The following AKT2 variants were observed in gnomAD, a reference collection of about 807,000 sequenced individuals.
AKT2 encodes the protein AKT serine/threonine kinase 2, also known as RAC-beta serine/threonine-protein kinase.
AKT2 carries 16 observed loss-of-function variants against 58.6 expected under a neutral mutation model. The observed-to-expected ratio is 0.27, with a 90% CI of 0.18 to 0.41. The LOEUF is 0.41. Among genes scored for constraint, AKT2 ranks in the 10% least tolerant of loss-of-function variants. AKT2 has a pLI of 1.00. For synonymous variants in AKT2, 253 were observed against 254.0 expected, an observed-to-expected ratio of 1.00 and a Z score of 0.04; for missense variants, 438 against 661.0, an observed-to-expected ratio of 0.66 and a Z score of 3.70.
chr19:40,285,343 G>T lies in AKT2; in HGVS notation c.-247C>A, dbSNP rs1008082496. ...CCGAGGCAGGCCCAACGGCTAGCAC[G>T]GCGCGGCCCCCCCCGCCCCCTCCCC... On this transcript the variant is annotated 5_prime_UTR_variant, in exon 1 of 14. Transcript: ENST00000392038. 3.1e-5 allele frequency: 12 copies of T among 390,412 alleles called. No homozygotes were observed. The highest frequency in any genetic ancestry group is 5.0e-5 in the Non-Finnish European group (11 of 220,956). 24.2% of individuals were successfully genotyped at this position (390,412 alleles called of 1,614,324 possible).
At chr19:40,245,766 C>T (rs1274891627) in intron 4 of AKT2, among the ~76,000 whole-genome samples, 1 of 152,180 alleles carries the variant, frequency 6.6e-6, no homozygotes, top group African/African-American at 2.4e-5. Flanking sequence ...ATGTCCACCC[C>T]ACGGAGGCAG....
chr19:40,263,757 T>C (rs1976134767), intron 2 of AKT2, among the ~76,000 whole-genome samples: 1 of 152,202 alleles, frequency 6.6e-6, no homozygotes, highest in South Asian at 2.1e-4. Flanking sequence ...GCTGGTACAG[T>C]GCAGGATGCG....
At chr19:40,265,117 G>A in intron 2 of AKT2, 105 bp downstream of exon 2, 1 of 1,511,904 alleles carries the variant, frequency 6.6e-7, no homozygotes. Context: ...CGGAATGCTG[G>A]CTCCTCAGGC....
intron 2 of AKT2, among the ~76,000 whole-genome samples, chr19:40,257,430 C>T (rs1462508276): frequency 6.6e-6 from 1 of 152,234 alleles, no homozygotes; most frequent in Non-Finnish European, 1.5e-5. Flanking sequence ...GGCCAAATCC[C>T]ATGGGCTGGG....
In AKT2 at chr19:40,237,676, C is replaced by A; in HGVS notation, c.831+293G>T. 1 of 409,444 alleles carries A rather than the reference C, an allele frequency of 2.4e-6. No homozygotes were observed. Among genetic ancestry groups the A allele is most frequent in the Non-Finnish European group, 4.6e-6 (1 of 218,250 alleles). 25.4% of individuals were successfully genotyped at this position (409,444 alleles called of 1,614,324 possible). ...AATACAAATAAAGTAGGTATTGTGGCAGTTGACACTCCGCTAGTGGCCTAG... is the reference window on the plus strand; with the variant it reads ...AATACAAATAAAGTAGGTATTGTGGAAGTTGACACTCCGCTAGTGGCCTAG... On this transcript the variant is annotated intron_variant, in intron 9 of 13. Transcript: ENST00000392038. The surrounding 1 kb of genome is among the most constrained non-coding windows in gnomAD (Gnocchi z 4.5).
chr19:40,285,149 G>T, intron 1 of AKT2, 32 bp downstream of exon 1: 1 of 393,018 alleles, frequency 2.5e-6, no homozygotes. Flanking sequence ...ATCGTGGGGG[G>T]GGCGTTCGGG....
intron 1 of AKT2, among the ~76,000 whole-genome samples, chr19:40,283,959 C>A (rs1276050016): frequency 1.3e-5 from 2 of 152,138 alleles, no homozygotes; most frequent in Non-Finnish European, 2.9e-5. Flanking sequence ...TCGTGGCCAG[C>A]GACAGAGGAG....
rs1172597370 is a variant in AKT2 at position 40,242,221 on chromosome 19, T to A, written c.442-152A>T. On this transcript the variant is annotated intron_variant, in intron 5 of 13. Transcript: ENST00000392038. The surrounding 1 kb of genome is among the most constrained non-coding windows in gnomAD (Gnocchi z 4.3). ...GGAGGCTCTGGGCAGCAACTGTGTG[T>A]TCTGAAGCGGCCTTCAGACCAGGCT... The A allele has an allele frequency of 8.5e-7, 1 of 1,175,904 alleles. No homozygotes were observed. Among genetic ancestry groups the A allele is most frequent in the East Asian group, 2.5e-5 (1 of 39,914 alleles). The allele number at this position is 1,175,904 out of a possible 1,614,324, so 72.8% of individuals were successfully genotyped here. A position where few individuals can be genotyped will look rare whatever the true frequency, so the allele number is the denominator to read the frequency against.
At chr19:40,273,157 T>C (rs78667702) in intron 1 of AKT2, among the ~76,000 whole-genome samples, 20,588 of 151,850 alleles carry the variant, frequency 0.14, 1,683 homozygotes, top group African/African-American at 0.21. Flanking sequence ...GCCTGGCCAA[T>C]ATGGTGAAAC....
chr19:40,244,501 A>C (rs1974624777), intron 4 of AKT2: 1 of 152,208 alleles, frequency 6.6e-6, no homozygotes, highest in Non-Finnish European at 1.5e-5. Context: ...AAAATGAAAA[A>C]TATATTAGGC....
In AKT2 at chr19:40,242,219, T is replaced by C; in HGVS notation, c.442-150A>G. ...AGGGAGGCTCTGGGCAGCAACTGTG[T>C]GTTCTGAAGCGGCCTTCAGACCAGG... On this transcript the variant is annotated intron_variant, in intron 5 of 13. Transcript: ENST00000392038. This position sits in a 1 kb window ranked among gnomAD's most constrained non-coding sequence, Gnocchi z 4.3. The C allele has an allele frequency of 8.3e-7, 1 of 1,201,090 alleles. No homozygotes were observed. The highest frequency in any genetic ancestry group is 1.2e-6 in the Non-Finnish European group (1 of 840,370). The allele number at this position is 1,201,090 out of a possible 1,614,324, so 74.4% of individuals were successfully genotyped here. A position where few individuals can be genotyped will look rare whatever the true frequency, so the allele number is the denominator to read the frequency against.
rs116896392 is a variant in AKT2 at position 40,272,494 on chromosome 19, G to A, written c.-84-7143C>T. Among the ~76,000 whole-genome samples, 19 of 152,268 alleles carry A rather than the reference G, an allele frequency of 1.2e-4. No individual in the cohort carries two copies. The East Asian group carries it at 1.7e-3, about 14-fold the overall frequency. On this transcript the variant is annotated intron_variant, in intron 1 of 13. Transcript: ENST00000392038. ...CATCAGCATTCGCTAACGAAGGCTC[G>A]CGGCACGACAGAATGCAGGCGGGAT...
At chr19:40,276,931 G>A (rs868783925) in intron 1 of AKT2, among the ~76,000 whole-genome samples, 3 of 152,210 alleles carry the variant, frequency 2.0e-5, no homozygotes, top group Non-Finnish European at 4.4e-5. Context: ...GCTGAGGTGG[G>A]AGGACCACTT....
In AKT2 at chr19:40,231,954, G is replaced by A. The variant is rs558808793; in HGVS notation, c.*1918C>T. 3.3e-4 allele frequency: 77 copies of A among 233,312 alleles called. No homozygotes were observed. The highest frequency in any genetic ancestry group is 1.3e-3 in the African/African-American group (58 of 45,436). 14.5% of individuals were successfully genotyped at this position (233,312 alleles called of 1,614,324 possible). ...TGCCCCCCTCTGAGGCTCGGCAGCC[G>A]GGTGGAATGAACCACTCCCTCTCAT... is the stretch of plus-strand genomic sequence containing the variant. On this transcript the variant is annotated 3_prime_UTR_variant, in exon 14 of 14. Coordinates refer to ENST00000392038, the MANE Select transcript of AKT2 (RefSeq NM_001626.6).
chr19:40,273,854 C>A (rs569405678), intron 1 of AKT2, among the ~76,000 whole-genome samples: 68 of 152,270 alleles, frequency 4.5e-4, no homozygotes, highest in Non-Finnish European at 1.5e-5. Flanking sequence ...CCCTCCCCTG[C>A]TCAGGACCTC....
intron 1 of AKT2, 74 bp downstream of exon 1, chr19:40,285,107 A>C: frequency 5.3e-6 from 2 of 379,898 alleles, no homozygotes; most frequent in East Asian, 3.8e-5. Context: ...GGTACAGCCC[A>C]TCGCGGCACC....
intron 1 of AKT2, among the ~76,000 whole-genome samples, chr19:40,281,973 T>C (rs1024768268): frequency 6.6e-6 from 1 of 152,218 alleles, no homozygotes; most frequent in African/African-American, 2.4e-5. Flanking sequence ...TCACAAGGGT[T>C]GGGGAGCCTG....
chr19:40,240,434 G>T, intron 6 of AKT2: 1 of 544,440 alleles, frequency 1.8e-6, no homozygotes. Flanking sequence ...GCCACCACAG[G>T]CTGTGGGAAG....
At chr19:40,254,522 T>C (rs192505776) in intron 4 of AKT2, among the ~76,000 whole-genome samples, 347 of 142,416 alleles carry the variant, frequency 2.4e-3, no homozygotes, top group African/African-American at 8.4e-3. Context: ...AGCAAGACTC[T>C]GTCTCAAAAA....
Sources: gnomAD v4.1 joint callset for allele counts (sites outside exome capture counted in the v4.1 genomes callset) on GRCh38, gnomAD v4.1.1 for gene constraint, Gnocchi (gnomAD v3.1) non-coding constraint, MANE v1.5 for transcripts, NCBI Gene and HGNC (gene_info 2026-07-23, HGNC 2026-07-21) for gene names.